MOV10L1: variants seen among roughly 807,000 people sequenced by gnomAD.
MOV10L1 encodes RNA helicase Mov10l1.
Under a neutral mutation model 143.8 loss-of-function variants are expected in MOV10L1, and 110 were observed. The observed-to-expected ratio is 0.76, with a 90% CI of 0.66 to 0.90. The LOEUF (loss-of-function observed/expected upper bound fraction) is 0.90, where lower values mean the gene tolerates loss of function less well. MOV10L1 is among the 40% of genes least tolerant of loss of function. The pLI is 0.00. For synonymous variants in MOV10L1, 593 were observed against 581.1 expected (o/e 1.02, Z -0.29); for missense variants, 1,406 against 1,526.8 (o/e 0.92, Z 1.32).
intron 10 of MOV10L1, among the ~76,000 whole-genome samples, chr22:50,122,186 A>G (rs1328950445): frequency 1.3e-5 from 2 of 152,238 alleles, no homozygotes; most frequent in Non-Finnish European, 2.9e-5. Flanking sequence ...GGCTATGAAC[A>G]TGGAATGTGT....
At chr22:50,108,919 C>T (rs887321982) in intron 5 of MOV10L1, 75 bp downstream of exon 5, 25 of 1,422,124 alleles carry the variant, frequency 1.8e-5, no homozygotes, top group Middle Eastern at 2.3e-4. Context: ...CTGAGGCAGA[C>T]GGATCACCTG....
At chr22:50,110,201 G>A (rs376525959) in intron 5 of MOV10L1, among the ~76,000 whole-genome samples, 9 of 152,160 alleles carry the variant, frequency 5.9e-5, no homozygotes, top group East Asian at 3.9e-4. Flanking sequence ...CGTAATACCA[G>A]CACTTTGGGA....
At chr22:50,149,535 G>C in intron 19 of MOV10L1, 80 bp from the exon 20 acceptor site, 1 of 1,407,240 alleles carries the variant, frequency 7.1e-7, no homozygotes, top group Non-Finnish European at 9.8e-7. Context: ...GGTGCTGAGC[G>C]TGGCTTTGCC....
chr22:50,090,982 G>A (rs1478482698), intron 1 of MOV10L1: 27 of 180,810 alleles, frequency 1.5e-4, no homozygotes, highest in African/African-American at 7.2e-5. Context: ...GACCTCTCCC[G>A]AGGTTCTGAT....
intron 13 of MOV10L1, among the ~76,000 whole-genome samples, chr22:50,129,497 G>T (rs530999709): frequency 6.6e-6 from 1 of 152,208 alleles, no homozygotes; most frequent in East Asian, 1.9e-4. Flanking sequence ...GTTTGCGGTT[G>T]TGTGAATACC....
chr22:50,157,591 T>C (rs923859912), intron 22 of MOV10L1, among the ~76,000 whole-genome samples: 7 of 152,174 alleles, frequency 4.6e-5, no homozygotes, highest in Non-Finnish European at 8.8e-5. Context: ...AAAACTGTCC[T>C]GGCACCCTTG....
chr22:50,137,265 T>C (rs1419586785), intron 15 of MOV10L1, among the ~76,000 whole-genome samples: 2 of 152,130 alleles, frequency 1.3e-5, no homozygotes, highest in East Asian at 1.9e-4. Flanking sequence ...ATATGTTCCA[T>C]GTGTTCAAGA....
In MOV10L1 at chr22:50,117,295, A is replaced by G. The variant is rs1247887405; in HGVS notation, c.1398A>G (p.Lys466=). 2.4e-5 allele frequency: 39 copies of G among 1,614,104 alleles called. No homozygotes were observed. Among genetic ancestry groups the G allele is most frequent in the Non-Finnish European group, 3.3e-5 (39 of 1,180,050 alleles). Residue 466 remains lysine (K), a synonymous_variant, in exon 9 of 27, where the codon AAA becomes AAG. Coordinates refer to ENST00000262794, the MANE Select transcript of MOV10L1 (RefSeq NM_018995.3). ...AREPFSWKKL[K]SSQALTSAKT... is the part of the protein sequence containing the mutation. ...AACCATTTTCTTGGAAAAAGCTTAAAAGTTCACAAGCGTTAACATCCGCAA... is the reference window on the plus strand; with the variant it reads ...AACCATTTTCTTGGAAAAAGCTTAAGAGTTCACAAGCGTTAACATCCGCAA...
At position 50,145,539 on chromosome 22, in the gene MOV10L1, A is replaced by G. The variant is rs150428804; in HGVS notation, c.2506-150A>G. The G allele has an allele frequency of 9.9e-5, 97 of 976,326 alleles. No homozygotes were observed. The East Asian group carries it at 2.4e-3, about 24-fold the overall frequency. The allele number at this position is 976,326 out of a possible 1,614,324, so 60.5% of individuals were successfully genotyped here. On this transcript the variant is annotated intron_variant, in intron 18 of 26. Transcript: ENST00000262794. ...TCTAGAGTTGATAAAACATGGACTG[A>G]ATTGATAAGGAAGTATGAGATATTT...
At chr22:50,090,841 T>G in intron 1 of MOV10L1, 1 of 292,474 alleles carries the variant, frequency 3.4e-6, no homozygotes, top group East Asian at 9.5e-5. Context: ...CACGCCCGGC[T>G]AATTTTTGTA....
chr22:50,145,278 T>C (rs2063119505), intron 18 of MOV10L1, among the ~76,000 whole-genome samples: 1 of 152,146 alleles, frequency 6.6e-6, no homozygotes, highest in South Asian at 2.1e-4. Context: ...TGAAAATAGC[T>C]GGGCGTGGTG....
intron 26 of MOV10L1, 47 bp downstream of exon 26, chr22:50,161,102 G>A (rs985568606): frequency 6.3e-6 from 10 of 1,577,808 alleles, no homozygotes; most frequent in South Asian, 4.4e-5. Flanking sequence ...GCTCTAGAAC[G>A]TGCTCTAGCC....
intron 5 of MOV10L1, among the ~76,000 whole-genome samples, chr22:50,110,748 C>A (rs141049779): frequency 2.0e-5 from 3 of 151,690 alleles, no homozygotes; most frequent in African/African-American, 7.3e-5. Context: ...CTGGGCAACA[C>A]GGTGAAACCC....
At chr22:50,141,384 TG>T (rs1292459501) in intron 15 of MOV10L1, among the ~76,000 whole-genome samples, 4 of 151,942 alleles carry the variant, frequency 2.6e-5, no homozygotes, top group Admixed American at 1.3e-4. Context: ...AGGTTGGAGT[TG>T]GTCGCCCAAT....
At chr22:50,110,442 C>G (rs1453933003) in intron 5 of MOV10L1, among the ~76,000 whole-genome samples, 3 of 150,488 alleles carry the variant, frequency 2.0e-5, no homozygotes, top group Non-Finnish European at 4.4e-5. Context: ...GAGTGACACT[C>G]CATCTCAAAA....
At chr22:50,139,997 A>G (rs1602300019) in intron 15 of MOV10L1, among the ~76,000 whole-genome samples, 2 of 152,334 alleles carry the variant, frequency 1.3e-5, no homozygotes, top group South Asian at 2.1e-4. Flanking sequence ...CTCTAGAGAG[A>G]TGAAGACATA....
chr22:50,145,538 G>C (rs2063129581), intron 18 of MOV10L1, 151 bp from the exon 19 acceptor site: 1 of 967,960 alleles, frequency 1.0e-6, no homozygotes, highest in Non-Finnish European at 1.5e-6. Flanking sequence ...AACATGGACT[G>C]AATTGATAAG....
intron 22 of MOV10L1, among the ~76,000 whole-genome samples, chr22:50,154,067 A>T (rs544927627): frequency 2.0e-5 from 3 of 152,174 alleles, no homozygotes; most frequent in Non-Finnish European, 4.4e-5. Context: ...GATCTGTCCA[A>T]AGTGGTGGGA....
intron 10 of MOV10L1, 89 bp downstream of exon 10, chr22:50,120,705 G>A: frequency 1.1e-6 from 1 of 923,120 alleles, no homozygotes; most frequent in Non-Finnish European, 1.7e-6. Flanking sequence ...CTCAGGTTCA[G>A]ACCTTCATCT....
Sources: gnomAD v4.1 joint callset for allele counts (sites outside exome capture counted in the v4.1 genomes callset) on GRCh38, gnomAD v4.1.1 for gene constraint, MANE v1.5 for transcripts, NCBI Gene and HGNC (gene_info 2026-07-23, HGNC 2026-07-21) for gene names.